The following PATJ variants were observed in gnomAD, a reference collection of about 807,000 sequenced individuals.
PATJ encodes the protein PATJ crumbs cell polarity complex component, also known as inaD-like protein.
Under a neutral mutation model 224.9 loss-of-function variants are expected in PATJ, and 190 were observed. The observed-to-expected ratio is 0.84, with a 90% confidence interval of 0.75 to 0.95. The LOEUF (loss-of-function observed/expected upper bound fraction) is 0.95, where lower values mean the gene tolerates loss of function less well. Ranked by LOEUF, PATJ falls within the 40% of genes least tolerant of loss-of-function variation. The probability of loss-of-function intolerance (pLI) is 0.00; values close to 1 mark genes in which losing one functional copy is unlikely to be tolerated. For synonymous variants in PATJ, 769 were observed against 820.3 expected, an observed-to-expected ratio of 0.94 and a Z score of 1.07; for missense variants, 2,121 against 2,270.3, an observed-to-expected ratio of 0.93 and a Z score of 1.34.
At chr1:61,779,238 G>A (rs1027445836) in intron 7 of PATJ, among the ~76,000 whole-genome samples, 3 of 152,208 alleles carry the variant, frequency 2.0e-5, no homozygotes, top group African/African-American at 7.2e-5. Flanking sequence ...CTCATGCCAT[G>A]GTGGGGGCTG....
At chr1:61,925,827 A>G (rs1235094761) in intron 26 of PATJ, among the ~76,000 whole-genome samples, 5 of 152,244 alleles carry the variant, frequency 3.3e-5, no homozygotes, top group Admixed American at 3.3e-4. Context: ...GTGAAGTGCT[A>G]TTGAAGAGAG....
At position 62,038,965 on chromosome 1, in the gene PATJ, G is replaced by A; in HGVS notation, c.4032+916G>A. On this transcript the variant is annotated intron_variant, in intron 30 of 43. Transcript: ENST00000642238. Reference sequence around the variant, plus strand: ...GACCCTGTCAGATGAGCATGCTGGAGTGATATCTGTTCTAGCCCAACAAGC... The same window carrying A: ...GACCCTGTCAGATGAGCATGCTGGAATGATATCTGTTCTAGCCCAACAAGC... 3 of 1,369,734 alleles carry A rather than the reference G, an allele frequency of 2.2e-6. No homozygotes were observed. The East Asian group carries it at 6.9e-5, about 32-fold the overall frequency. The allele number at this position is 1,369,734 out of a possible 1,614,324, so 84.8% of individuals were successfully genotyped here.
intron 13 of PATJ, 99 bp downstream of exon 13, chr1:61,805,623 G>C: frequency 1.4e-6 from 1 of 710,906 alleles, no homozygotes; most frequent in Middle Eastern, 2.7e-4. Flanking sequence ...AGAATAGCCC[G>C]CCTGACTTTA....
At chr1:61,990,970 T>C (rs947867020) in intron 28 of PATJ, among the ~76,000 whole-genome samples, 4 of 152,182 alleles carry the variant, frequency 2.6e-5, no homozygotes, top group African/African-American at 9.7e-5. Flanking sequence ...TCTTCTACAC[T>C]TAAATTTAAG....
At chr1:61,863,929 GT>G (rs1391032379) in intron 19 of PATJ, among the ~76,000 whole-genome samples, 5 of 152,206 alleles carry the variant, frequency 3.3e-5, no homozygotes, top group Non-Finnish European at 7.3e-5. Flanking sequence ...TAGTGTAAGA[GT>G]TTAACAAAAT....
chr1:61,869,096 CATT>C (rs1312907224), intron 20 of PATJ, among the ~76,000 whole-genome samples: 4 of 133,434 alleles, frequency 3.0e-5, no homozygotes, highest in Admixed American at 7.5e-5. Flanking sequence ...ATGGAAATAA[CATT>C]TTTTTTTTTT....
intron 23 of PATJ, among the ~76,000 whole-genome samples, chr1:61,900,879 G>A (rs1557846716): frequency 6.6e-6 from 1 of 152,108 alleles, no homozygotes; most frequent in Non-Finnish European, 1.5e-5. Context: ...GTGAGCCACC[G>A]CGCCAAGCCA....
intron 14 of PATJ, among the ~76,000 whole-genome samples, chr1:61,812,352 AATAGAGAGAGAGAGAG>A (rs1187758905): frequency 4.1e-5 from 3 of 72,802 alleles, no homozygotes; most frequent in Non-Finnish European, 5.2e-5. Context: ...AAGGGGAGGG[AATAGAGAGAGAGAGAG>A]AGAGAGAGAG....
intron 30 of PATJ, among the ~76,000 whole-genome samples, chr1:62,048,153 AG>A (rs1227136505): frequency 6.6e-6 from 1 of 152,226 alleles, no homozygotes; most frequent in Non-Finnish European, 1.5e-5. Context: ...ACATTCCCCT[AG>A]CAGGTTATTA....
intron 41 of PATJ, among the ~76,000 whole-genome samples, chr1:62,144,962 GCCA>G (rs2149014356): frequency 6.6e-6 from 1 of 151,858 alleles, no homozygotes; most frequent in East Asian, 2.0e-4. Context: ...CCAGGCCTGT[GCCA>G]CCACACCGGC....
intron 28 of PATJ, among the ~76,000 whole-genome samples, chr1:61,995,919 A>C (rs1232385981): frequency 6.6e-6 from 1 of 152,204 alleles, no homozygotes. Flanking sequence ...GGTGCTGTGC[A>C]GGGAATTGGA....
intron 42 of PATJ, 39 bp downstream of exon 42, chr1:62,148,429 G>C (rs574184486): frequency 7.0e-7 from 1 of 1,432,938 alleles, no homozygotes; most frequent in African/African-American, 1.4e-5. Context: ...TATGCATGTG[G>C]GCAAAGCTCG....
At chr1:62,097,733 T>G (rs1306117466) in intron 33 of PATJ, among the ~76,000 whole-genome samples, 1 of 152,220 alleles carries the variant, frequency 6.6e-6, no homozygotes, top group East Asian at 1.9e-4. Context: ...AATAGTTGTT[T>G]TAAGCCACTA....
intron 27 of PATJ, among the ~76,000 whole-genome samples, chr1:61,968,294 T>G (rs1203320052): frequency 6.6e-6 from 1 of 152,192 alleles, no homozygotes; most frequent in Non-Finnish European, 1.5e-5. Flanking sequence ...TTCTTTAGAA[T>G]ACACATGGGG....
chr1:62,148,590 A>C (rs976495759), intron 42 of PATJ, among the ~76,000 whole-genome samples, 200 bp downstream of exon 42: 1 of 152,210 alleles, frequency 6.6e-6, no homozygotes, highest in Admixed American at 6.5e-5. Flanking sequence ...GGGCCTGCAC[A>C]CACACTGCAT....
At chr1:61,796,785 TC>T (rs1320364470) in intron 10 of PATJ, among the ~76,000 whole-genome samples, 20 of 148,652 alleles carry the variant, frequency 1.3e-4, no homozygotes, top group South Asian at 2.2e-4. Flanking sequence ...CCCCTTTCTT[TC>T]CCCCCTTCCT....
chr1:61,796,813 C>T (rs1421278308), intron 10 of PATJ, among the ~76,000 whole-genome samples: 1 of 142,074 alleles, frequency 7.0e-6, no homozygotes, highest in Non-Finnish European at 1.5e-5. Context: ...CTTCCTTCTC[C>T]TTCCTTCCTT....
intron 1 of PATJ, among the ~76,000 whole-genome samples, chr1:61,749,259 G>A (rs930323115): frequency 9.2e-5 from 14 of 151,908 alleles, no homozygotes; most frequent in Admixed American, 2.0e-4. Flanking sequence ...ACCCGCCTCA[G>A]CCTCTGAAAG....
intron 36 of PATJ, 30 bp from the exon 37 acceptor site, chr1:62,117,102 T>A (rs757590228): frequency 1.3e-6 from 2 of 1,553,348 alleles, no homozygotes; most frequent in African/African-American, 2.7e-5. Flanking sequence ...CTACTACTTT[T>A]CATTTCTGTT....
Sources: allele counts gnomAD v4.1 joint callset (sites outside exome capture counted in the v4.1 genomes callset), GRCh38; gene constraint gnomAD v4.1.1; transcripts MANE v1.5; gene names NCBI Gene and HGNC (gene_info 2026-07-23, HGNC 2026-07-21).